Variants in LRMDA observed in about 807,000 individuals in gnomAD.
LRMDA encodes the protein leucine rich melanocyte differentiation associated, also known as leucine-rich melanocyte differentiation-associated protein.
Under a neutral mutation model 29.8 loss-of-function variants are expected in LRMDA, and 18 were observed. The ratio of observed to expected loss-of-function variants is 0.60; its 90% CI spans 0.42 to 0.90. The LOEUF (loss-of-function observed/expected upper bound fraction) is 0.90. Ranked by LOEUF, LRMDA falls within the 40% of genes least tolerant of loss-of-function variation. The pLI, the probability that LRMDA is intolerant of heterozygous loss-of-function variation, is 0.00. For synonymous variants in LRMDA, 125 were observed against 109.4 expected, an observed-to-expected ratio of 1.14 and a Z score of -0.89; for missense variants, 273 against 273.9, an observed-to-expected ratio of 1.00 and a Z score of 0.02.
chr10:76,540,421 C>CTTTTG (rs1843341183), intron 6 of LRMDA, among the ~76,000 whole-genome samples: 4 of 152,172 alleles, frequency 2.6e-5, no homozygotes, highest in Non-Finnish European at 5.9e-5. Flanking sequence ...CACAAAGCCT[C>CTTTTG]TAAAATACAA....
chr10:76,207,856 T>C (rs1851565633), intron 5 of LRMDA, among the ~76,000 whole-genome samples: 1 of 152,008 alleles, frequency 6.6e-6, no homozygotes, highest in Admixed American at 6.6e-5. Flanking sequence ...CCCAGCTACT[T>C]GGAAGCCTGA....
intron 2 of LRMDA, among the ~76,000 whole-genome samples, chr10:75,950,155 C>T (rs549880380): frequency 6.6e-6 from 1 of 152,302 alleles, no homozygotes; most frequent in African/African-American, 2.4e-5. Context: ...GGTCACCCCC[C>T]TTCCTCATTG....
intron 6 of LRMDA, among the ~76,000 whole-genome samples, chr10:76,507,289 A>G (rs549258576): frequency 6.6e-6 from 1 of 151,838 alleles, no homozygotes; most frequent in Non-Finnish European, 1.5e-5. Flanking sequence ...TTAAAAAAAA[A>G]TCAGATTGTT....
intron 2 of LRMDA, among the ~76,000 whole-genome samples, chr10:75,721,108 A>G (rs1227051336): frequency 2.0e-5 from 3 of 152,190 alleles, no homozygotes; most frequent in Non-Finnish European, 2.9e-5. Flanking sequence ...TTGCATAACC[A>G]TTTTGTTCTG....
intron 5 of LRMDA, among the ~76,000 whole-genome samples, chr10:76,301,468 G>T (rs1005113350): frequency 1.1e-4 from 16 of 152,180 alleles, no homozygotes; most frequent in Non-Finnish European, 2.1e-4. Flanking sequence ...TAATAATACA[G>T]ATCATTGCCC....
intron 2 of LRMDA, among the ~76,000 whole-genome samples, chr10:75,820,103 C>T (rs888764825): frequency 3.9e-5 from 6 of 152,108 alleles, no homozygotes; most frequent in Admixed American, 1.3e-4. Context: ...GACAGATCAT[C>T]GAGGCAGAAA....
chr10:75,650,486 C>CTTT (rs112063123), intron 2 of LRMDA, among the ~76,000 whole-genome samples: 2 of 149,206 alleles, frequency 1.3e-5, no homozygotes, highest in East Asian at 3.9e-4. Flanking sequence ...AAATTATTGA[C>CTTT]TTTTTTTTTT....
At position 75,507,603 on chromosome 10, in the gene LRMDA, A is replaced by G. The variant is rs79623857; in HGVS notation, c.131+69109A>G. Among the ~76,000 whole-genome samples the G allele has an allele frequency of 3.7e-3, 556 of 152,210 alleles. 3 individuals carry two copies. Among genetic ancestry groups the G allele is most frequent in the African/African-American group, 0.013 (531 of 41,538 alleles). On this transcript the variant is annotated intron_variant, in intron 2 of 6. Coordinates refer to ENST00000611255, the MANE Select transcript of LRMDA (RefSeq NM_001305581.2). ...AATGTGGTCTGAATTTTTTACTCGC[A>G]TTGTTTCGGAGCCAGTTCCTATTCT...
At chr10:76,160,487 T>C (rs968697734) in intron 5 of LRMDA, among the ~76,000 whole-genome samples, 4 of 152,098 alleles carry the variant, frequency 2.6e-5, no homozygotes, top group Non-Finnish European at 5.9e-5. Context: ...GAAGAAATTA[T>C]TTGATGTCTG....
intron 5 of LRMDA, among the ~76,000 whole-genome samples, chr10:76,138,005 G>A (rs1188216331): frequency 6.6e-6 from 1 of 152,084 alleles, no homozygotes; most frequent in Non-Finnish European, 1.5e-5. Flanking sequence ...ATTTCAGGGA[G>A]GATAGCTCAT....
At chr10:76,118,840 CTTTTTTTTTTT>C (rs962279433) in intron 5 of LRMDA, among the ~76,000 whole-genome samples, 2 of 45,974 alleles carry the variant, frequency 4.4e-5, no homozygotes, top group East Asian at 7.2e-4. Context: ...TGCAAATACA[CTTTTTTTTTTT>C]TTTTTTTTTT....
At chr10:76,532,795 T>G (rs574472585) in intron 6 of LRMDA, among the ~76,000 whole-genome samples, 87 of 152,314 alleles carry the variant, frequency 5.7e-4, no homozygotes, top group African/African-American at 2.1e-3. Context: ...GTTAGAACCT[T>G]TACTTTAGGA....
chr10:75,739,863 A>G (rs527566147), intron 2 of LRMDA, among the ~76,000 whole-genome samples: 1 of 152,352 alleles, frequency 6.6e-6, no homozygotes, highest in East Asian at 1.9e-4. Flanking sequence ...CCACTAGATA[A>G]ATAAGGCAGC....
intron 2 of LRMDA, among the ~76,000 whole-genome samples, chr10:75,533,378 C>G (rs1277274896): frequency 6.6e-6 from 1 of 152,180 alleles, no homozygotes; most frequent in East Asian, 1.9e-4. Context: ...AACCCAGGGT[C>G]TCTTTGGATC....
chr10:76,240,233 A>G (rs984287893), intron 5 of LRMDA, among the ~76,000 whole-genome samples: 10 of 151,054 alleles, frequency 6.6e-5, no homozygotes, highest in South Asian at 4.2e-4. Context: ...TACGCACACC[A>G]TAGAATACTA....
chr10:76,523,440 C>T (rs1404770777), intron 6 of LRMDA, among the ~76,000 whole-genome samples: 3 of 152,152 alleles, frequency 2.0e-5, no homozygotes, highest in Admixed American at 2.0e-4. Flanking sequence ...GGGCACCTTC[C>T]CAACTCAAGG....
At chr10:75,797,194 G>C (rs1390715419) in intron 2 of LRMDA, among the ~76,000 whole-genome samples, 1 of 151,916 alleles carries the variant, frequency 6.6e-6, no homozygotes, top group African/African-American at 2.4e-5. Context: ...TGTCAGTTTT[G>C]TTAAGTTAAT....
At chr10:76,065,936 A>G (rs1047324530) in intron 5 of LRMDA, among the ~76,000 whole-genome samples, 3 of 152,228 alleles carry the variant, frequency 2.0e-5, no homozygotes, top group Non-Finnish European at 4.4e-5. Context: ...TGAAAACAAC[A>G]TGAGAGACAC....
chr10:76,426,102 C>G (rs1006344593), intron 6 of LRMDA, among the ~76,000 whole-genome samples: 32 of 152,118 alleles, frequency 2.1e-4, no homozygotes, highest in African/African-American at 7.5e-4. Flanking sequence ...ATTTATATTC[C>G]TTTGGGTATA....
Sources: gnomAD v4.1 joint callset for allele counts (sites outside exome capture counted in the v4.1 genomes callset) on GRCh38, gnomAD v4.1.1 for gene constraint, MANE v1.5 for transcripts, NCBI Gene and HGNC (gene_info 2026-07-23, HGNC 2026-07-21) for gene names.